Variants in SGMS2 observed in about 807,000 individuals in gnomAD.
SGMS2 encodes the protein phosphatidylcholine:ceramide cholinephosphotransferase 2.
SGMS2 carries 21 observed loss-of-function variants against 43.8 expected under a neutral mutation model. The observed-to-expected ratio is 0.48, with a 90% CI of 0.34 to 0.69. SGMS2 has a LOEUF of 0.69. SGMS2 is among the 30% of genes least tolerant of loss of function. The pLI, the probability that SGMS2 is intolerant of heterozygous loss-of-function variation, is 0.01. For synonymous variants in SGMS2, 167 were observed against 160.6 expected, an observed-to-expected ratio of 1.04 and a Z score of -0.30; for missense variants, 384 against 443.2, an observed-to-expected ratio of 0.87 and a Z score of 1.20.
chr4:107,899,407 G>A (rs1730936180), intron 3 of SGMS2, among the ~76,000 whole-genome samples, 168 bp from the exon 4 acceptor site: 1 of 152,088 alleles, frequency 6.6e-6, no homozygotes, highest in Admixed American at 6.5e-5. Context: ...GAAACTGTAG[G>A]GATGGGCAAC....
intron 2 of SGMS2, among the ~76,000 whole-genome samples, chr4:107,862,181 G>T (rs756137657): frequency 6.6e-6 from 1 of 152,200 alleles, no homozygotes; most frequent in Non-Finnish European, 1.5e-5. Flanking sequence ...TAGAGGAAAA[G>T]CCGTAACTGT....
intron 3 of SGMS2, among the ~76,000 whole-genome samples, chr4:107,896,932 CACTG>C (rs1477551502): frequency 1.3e-5 from 2 of 152,152 alleles, no homozygotes; most frequent in African/African-American, 4.8e-5. Flanking sequence ...TTGATCAAAA[CACTG>C]ACCATAATAC....
chr4:107,847,384 T>C (rs1726890279), intron 1 of SGMS2, among the ~76,000 whole-genome samples: 1 of 152,142 alleles, frequency 6.6e-6, no homozygotes, highest in African/African-American at 2.4e-5. Flanking sequence ...CTTTCCCCAT[T>C]GCTTGTTTTT....
chr4:107,877,541 A>G (rs1416898566), intron 2 of SGMS2, among the ~76,000 whole-genome samples: 1 of 152,186 alleles, frequency 6.6e-6, no homozygotes, highest in African/African-American at 2.4e-5. Flanking sequence ...TTTGGCCTAA[A>G]CAACTGCTGG....
intron 2 of SGMS2, among the ~76,000 whole-genome samples, chr4:107,871,156 T>A (rs1728530466): frequency 6.6e-6 from 1 of 152,194 alleles, no homozygotes; most frequent in Non-Finnish European, 1.5e-5. Context: ...CTTGGCTGAT[T>A]TTCTATTCAC....
chr4:107,828,954 A>G (rs1200728791), intron 1 of SGMS2, among the ~76,000 whole-genome samples: 1 of 152,222 alleles, frequency 6.6e-6, no homozygotes, highest in Admixed American at 6.5e-5. Flanking sequence ...TTTATTAGCC[A>G]TGAAGCTAAA....
In SGMS2 at chr4:107,825,620, C is replaced by CTTTTTTTTTT. The variant is rs201101875; in HGVS notation, c.-327+379_-327+388dup. On this transcript the variant is annotated intron_variant, in intron 1 of 6. Coordinates refer to ENST00000690982, the MANE Select transcript of SGMS2 (RefSeq NM_001375905.1). Reference sequence around the variant, plus strand: ...TGTGTGTGGTTTTTCTTTTCTTTCTCTTTTTTTTTTTTTTTTTTTTTGAGA... The same window carrying CTTTTTTTTTT: ...TGTGTGTGGTTTTTCTTTTCTTTCTCTTTTTTTTTTTTTTTTTTTTTTTTTTTTTTTGAGA... Among the ~76,000 whole-genome samples, 181 of 116,254 alleles carry CTTTTTTTTTT rather than the reference C, an allele frequency of 1.6e-3. 1 individual carries two copies. Among genetic ancestry groups the CTTTTTTTTTT allele is most frequent in the African/African-American group, 6.5e-3 (175 of 27,082 alleles). The allele number at this position is 116,254 out of a possible 152,430, so 76.3% of individuals were successfully genotyped here.
intron 1 of SGMS2, among the ~76,000 whole-genome samples, chr4:107,858,048 C>A (rs1018827432): frequency 7.3e-6 from 1 of 137,534 alleles, no homozygotes. Context: ...TCTTAAATAT[C>A]CCCTTAGAAA....
chr4:107,835,897 C>T (rs1221075353), intron 1 of SGMS2, among the ~76,000 whole-genome samples: 2 of 152,132 alleles, frequency 1.3e-5, no homozygotes, highest in Non-Finnish European at 2.9e-5. Flanking sequence ...AAGAGTTAAC[C>T]ATCTCCCAAG....
chr4:107,875,486 A>G lies in SGMS2; in HGVS notation c.-245+16933A>G, dbSNP rs72888937. The stretch of plus-strand genomic sequence containing the variant: ...CACATGGACACATAGAGGGAAACAA[A>G]ATACACTGCTGCCCACCTACCGAAG... On this transcript the variant is annotated intron_variant, in intron 2 of 6. Transcript: ENST00000690982. Among the ~76,000 whole-genome samples the G allele has an allele frequency of 9.7e-3, 1,473 of 152,224 alleles. 30 individuals are homozygous for G. The highest frequency in any genetic ancestry group is 0.034 in the African/African-American group (1,400 of 41,550).
chr4:107,911,149 T>C lies in SGMS2; in HGVS notation c.*596T>C, dbSNP rs1031602675. On this transcript the variant is annotated 3_prime_UTR_variant, in exon 7 of 7. Transcript: ENST00000690982. ...CGCTACATATCACTTTTTTTTGTTT[T>C]GTTTTGTTTTGTTTTTAAAAGATCA... The C allele has an allele frequency of 1.3e-5, 2 of 152,224 alleles. No individual in the cohort carries two copies. Among genetic ancestry groups the C allele is most frequent in the African/African-American group, 4.8e-5 (2 of 41,446 alleles). The allele number at this position is 152,224 out of a possible 1,614,324, so 9.4% of individuals were successfully genotyped here. A position where few individuals can be genotyped will look rare whatever the true frequency, so the allele number is the denominator to read the frequency against.
chr4:107,845,417 A>G (rs1046454057), intron 1 of SGMS2, among the ~76,000 whole-genome samples: 2 of 152,186 alleles, frequency 1.3e-5, no homozygotes, highest in African/African-American at 2.4e-5. Context: ...TGTGCTCTGC[A>G]CCTTCCTCTG....
At chr4:107,905,329 A>T (rs1731463665) in intron 5 of SGMS2, among the ~76,000 whole-genome samples, 1 of 152,178 alleles carries the variant, frequency 6.6e-6, no homozygotes, top group South Asian at 2.1e-4. Context: ...CCACAAGAAC[A>T]GTATGGGGGA....
chr4:107,912,191 A>ACCGGG lies in SGMS2; in HGVS notation c.*1638_*1639insCCGGG, dbSNP rs2126173126. 1 of 152,304 alleles carries ACCGGG rather than the reference A, an allele frequency of 6.6e-6. No individual in the cohort carries two copies. Among genetic ancestry groups the ACCGGG allele is most frequent in the African/African-American group, 2.4e-5 (1 of 41,574 alleles). The allele number at this position is 152,304 out of a possible 1,614,324, so 9.4% of individuals were successfully genotyped here. ...ATCCTTTGGTGCTAAAATCTTGTGTATGTTTTCAGAATGGCTTTTTCTGTA... is the reference window on the plus strand; with the variant it reads ...ATCCTTTGGTGCTAAAATCTTGTGTACCGGGTGTTTTCAGAATGGCTTTTTCTGTA... On this transcript the variant is annotated 3_prime_UTR_variant, in exon 7 of 7. Coordinates refer to ENST00000690982, the MANE Select transcript of SGMS2 (RefSeq NM_001375905.1).
At chr4:107,873,364 C>T (rs569008516) in intron 2 of SGMS2, 69 of 152,166 alleles carry the variant, frequency 4.5e-4, no homozygotes, top group African/African-American at 1.5e-3. Context: ...TTCTCTACTC[C>T]CTGCAGAAGT....
chr4:107,828,157 A>G (rs1725700017), intron 1 of SGMS2, among the ~76,000 whole-genome samples: 1 of 152,204 alleles, frequency 6.6e-6, no homozygotes, highest in Admixed American at 6.5e-5. Context: ...CAAATCAGCC[A>G]TAATCTCACC....
intron 2 of SGMS2, chr4:107,874,001 C>G (rs1452220493): frequency 6.6e-6 from 1 of 152,136 alleles, no homozygotes; most frequent in South Asian, 2.1e-4. Flanking sequence ...TATTCCTTTT[C>G]TTTTCCAAAC....
At position 107,837,996 on chromosome 4, in the gene SGMS2, C is replaced by T. The variant is rs796789455; in HGVS notation, c.-327+12743C>T. Among the ~76,000 whole-genome samples, 5 of 152,164 alleles carry T rather than the reference C, an allele frequency of 3.3e-5. 1 individual carries two copies. Among genetic ancestry groups the T allele is most frequent in the African/African-American group, 1.2e-4 (5 of 41,518 alleles). ...AAATAGCCAGTTGTGATGCAGAGAC[C>T]TGCATTCAGGGGTGAGATCAGGGCC... On this transcript the variant is annotated intron_variant, in intron 1 of 6. Transcript: ENST00000690982.
At chr4:107,908,475 G>A in intron 5 of SGMS2, 90 bp from the exon 6 acceptor site, 1 of 1,288,534 alleles carries the variant, frequency 7.8e-7, no homozygotes, top group South Asian at 1.4e-5. Context: ...CTGATCCTGG[G>A]TTATTCTACT....
Sources: allele counts gnomAD v4.1 joint callset (sites outside exome capture counted in the v4.1 genomes callset), GRCh38; gene constraint gnomAD v4.1.1; transcripts MANE v1.5; gene names NCBI Gene and HGNC (gene_info 2026-07-23, HGNC 2026-07-21).